Variants in ELOVL5 observed in about 807,000 individuals in gnomAD.
ELOVL5 encodes the protein very long chain fatty acid elongase 5.
Under a neutral mutation model 38.6 loss-of-function variants are expected in ELOVL5, and 8 were observed. The ratio of observed to expected loss-of-function variants is 0.21; its 90% CI spans 0.12 to 0.37. The LOEUF (loss-of-function observed/expected upper bound fraction) is 0.37. Ranked by LOEUF, ELOVL5 falls within the 10% of genes least tolerant of loss-of-function variation. ELOVL5 has a pLI of 1.00. For missense variants in ELOVL5, 280 were observed against 367.8 expected, an observed-to-expected ratio of 0.76 and a Z score of 1.95; for synonymous variants, 127 against 133.7, an observed-to-expected ratio of 0.95 and a Z score of 0.34.
chr6:53,347,466 A>C (rs1056943573), intron 1 of ELOVL5, among the ~76,000 whole-genome samples: 1 of 152,218 alleles, frequency 6.6e-6, no homozygotes, highest in Non-Finnish European at 1.5e-5. Flanking sequence ...ATTCTGCACG[A>C]AATGCTTTTG....
intron 6 of ELOVL5, among the ~76,000 whole-genome samples, chr6:53,271,068 G>A (rs575360510): frequency 6.2e-4 from 94 of 152,324 alleles, no homozygotes; most frequent in Non-Finnish European, 1.0e-3. Flanking sequence ...TAACATCACT[G>A]CAGGATGTGC....
chr6:53,301,930 G>C (rs1230282680), intron 1 of ELOVL5, among the ~76,000 whole-genome samples: 1 of 152,120 alleles, frequency 6.6e-6, no homozygotes, highest in African/African-American at 2.4e-5. Flanking sequence ...TATATTTAAA[G>C]ATACAGCTGA....
At chr6:53,293,997 G>A (rs1766878705) in intron 2 of ELOVL5, 1 of 869,404 alleles carries the variant, frequency 1.2e-6, no homozygotes, top group South Asian at 4.1e-5. Flanking sequence ...TCAATTTTAA[G>A]AAAACCAGTT....
intron 1 of ELOVL5, among the ~76,000 whole-genome samples, chr6:53,303,166 A>C (rs1318581668): frequency 2.0e-5 from 3 of 152,232 alleles, no homozygotes; most frequent in African/African-American, 7.2e-5. Flanking sequence ...TAGGTTGGGA[A>C]AATCAGTTCC....
At position 53,267,502 on chromosome 6, in the gene ELOVL5, T is replaced by C. The variant is rs1290600977; in HGVS notation, c.*1625A>G. On this transcript the variant is annotated 3_prime_UTR_variant, in exon 8 of 8. Transcript: ENST00000304434. ...TTTGACAGCACACTATTGAATGTTATAGTTTCTGTATTGAAATATGTAAAG... is the reference window on the plus strand; with the variant it reads ...TTTGACAGCACACTATTGAATGTTACAGTTTCTGTATTGAAATATGTAAAG... The C allele has an allele frequency of 6.6e-6, 1 of 152,664 alleles. No individual in the cohort carries two copies. The highest frequency in any genetic ancestry group is 1.5e-5 in the Non-Finnish European group (1 of 68,050). 9.5% of individuals were successfully genotyped at this position (152,664 alleles called of 1,614,324 possible).
At chr6:53,281,622 C>T (rs996637380) in intron 3 of ELOVL5, among the ~76,000 whole-genome samples, 2 of 152,120 alleles carry the variant, frequency 1.3e-5, no homozygotes, top group Admixed American at 6.5e-5. Context: ...CTTTTTCTTC[C>T]GCAGATGTTT....
intron 1 of ELOVL5, among the ~76,000 whole-genome samples, chr6:53,326,496 A>C (rs1326150146): frequency 1.3e-5 from 2 of 151,682 alleles, no homozygotes; most frequent in Admixed American, 6.6e-5. Context: ...TCCTTTTCAC[A>C]TTCTGCAGTG....
chr6:53,297,806 T>C (rs1767073008), intron 1 of ELOVL5, among the ~76,000 whole-genome samples: 1 of 152,080 alleles, frequency 6.6e-6, no homozygotes, highest in Admixed American at 6.5e-5. Context: ...ATATACTATA[T>C]TCCTAAGAAA....
intron 1 of ELOVL5, among the ~76,000 whole-genome samples, chr6:53,311,043 T>C (rs1448520184): frequency 1.3e-5 from 2 of 152,176 alleles, no homozygotes; most frequent in African/African-American, 2.4e-5. Context: ...CAACAGACTC[T>C]CCAGTGTGGC....
intron 1 of ELOVL5, among the ~76,000 whole-genome samples, chr6:53,330,029 T>G (rs979607466): frequency 2.0e-5 from 3 of 152,184 alleles, no homozygotes; most frequent in Non-Finnish European, 4.4e-5. Flanking sequence ...ACGCGTCACT[T>G]AACAATGGCA....
intron 1 of ELOVL5, among the ~76,000 whole-genome samples, chr6:53,310,018 C>A (rs910875694): frequency 3.3e-5 from 5 of 152,078 alleles, no homozygotes; most frequent in Non-Finnish European, 7.4e-5. Flanking sequence ...TAGATAAAAG[C>A]CTTAGAAATT....
intron 3 of ELOVL5, among the ~76,000 whole-genome samples, chr6:53,289,862 G>C (rs1037699903): frequency 6.6e-6 from 1 of 152,240 alleles, no homozygotes; most frequent in East Asian, 1.9e-4. Flanking sequence ...CATCAACTTG[G>C]AGCACTAGGG....
intron 1 of ELOVL5, among the ~76,000 whole-genome samples, chr6:53,305,098 C>G (rs1294534772): frequency 1.4e-4 from 21 of 146,526 alleles, no homozygotes; most frequent in South Asian, 1.1e-3. Context: ...GCTCGCTGGG[C>G]AGGGGGCTGA....
At chr6:53,340,823 A>G (rs1769292148) in intron 1 of ELOVL5, among the ~76,000 whole-genome samples, 1 of 152,212 alleles carries the variant, frequency 6.6e-6, no homozygotes, top group African/African-American at 2.4e-5. Context: ...GCTATACATG[A>G]CTTGTACGAC....
intron 5 of ELOVL5, among the ~76,000 whole-genome samples, chr6:53,273,771 G>A (rs899530909): frequency 6.6e-6 from 1 of 152,246 alleles, no homozygotes; most frequent in African/African-American, 2.4e-5. Flanking sequence ...TTGCTGGGGT[G>A]TGGAGAGGTC....
intron 1 of ELOVL5, among the ~76,000 whole-genome samples, chr6:53,344,727 T>C (rs1769466161): frequency 6.6e-6 from 1 of 152,176 alleles, no homozygotes; most frequent in African/African-American, 2.4e-5. Flanking sequence ...ATTACATCAA[T>C]AACTTGCCTT....
At chr6:53,345,634 G>T (rs2127596381) in intron 1 of ELOVL5, among the ~76,000 whole-genome samples, 1 of 152,330 alleles carries the variant, frequency 6.6e-6, no homozygotes, top group South Asian at 2.1e-4. Context: ...ATCAAGTGTG[G>T]GCTACAAGGA....
At chr6:53,322,323 T>G (rs1258215792) in intron 1 of ELOVL5, among the ~76,000 whole-genome samples, 2 of 152,210 alleles carry the variant, frequency 1.3e-5, no homozygotes, top group Non-Finnish European at 2.9e-5. Context: ...AGTTGTTTTT[T>G]TAATTATATA....
intron 1 of ELOVL5, among the ~76,000 whole-genome samples, chr6:53,324,775 G>A (rs1768462405): frequency 1.3e-5 from 2 of 151,484 alleles, no homozygotes. Context: ...TTAGTTTGGA[G>A]AGAAAGCAGA....
Sources: gnomAD v4.1 joint callset for allele counts (sites outside exome capture counted in the v4.1 genomes callset) on GRCh38, gnomAD v4.1.1 for gene constraint, MANE v1.5 for transcripts, NCBI Gene and HGNC (gene_info 2026-07-23, HGNC 2026-07-21) for gene names.